ZNF138: variants seen among roughly 807,000 people sequenced by gnomAD.
The protein encoded by ZNF138 is zinc finger protein 138.
Under a neutral mutation model 33.0 loss-of-function variants are expected in ZNF138, and 33 were observed. The ratio of observed to expected loss-of-function variants is 1.00; its 90% CI spans 0.76 to 1.34. The LOEUF is 1.34. Ranked by LOEUF, ZNF138 falls within the 40% of genes most tolerant of loss-of-function variation. ZNF138 has a pLI of 0.00. For missense variants in ZNF138, 360 were observed against 370.8 expected (o/e 0.97, Z 0.24); for synonymous variants, 139 against 120.4 (o/e 1.15, Z -1.01).
chr7:64,831,317 A>G, intron 3 of ZNF138, 134 bp from the exon 4 acceptor site: 1 of 949,172 alleles, frequency 1.1e-6, no homozygotes, highest in Non-Finnish European at 1.6e-6. Context: ...ATGTCTATAA[A>G]GGAATTAGAA....
intron 1 of ZNF138, among the ~76,000 whole-genome samples, chr7:64,794,882 C>T (rs548876604): frequency 4.7e-4 from 71 of 152,254 alleles, no homozygotes; most frequent in African/African-American, 1.6e-3. Flanking sequence ...AATCCTGACT[C>T]GGGGTGCTGG....
At chr7:64,810,156 A>C (rs1217437112) in intron 1 of ZNF138, among the ~76,000 whole-genome samples, 3 of 121,596 alleles carry the variant, frequency 2.5e-5, no homozygotes, top group African/African-American at 9.4e-5. Context: ...ACTGCACTCC[A>C]GCCTGGGCAC....
At chr7:64,828,979 G>A (rs1789866254) in intron 3 of ZNF138, among the ~76,000 whole-genome samples, 1 of 152,012 alleles carries the variant, frequency 6.6e-6, no homozygotes, top group Non-Finnish European at 1.5e-5. Context: ...GTATGCTGAA[G>A]AGTGTGTTGT....
At chr7:64,842,295 C>G in the ZNF138 span, among the ~76,000 whole-genome samples, 20 of 130,544 alleles carry the variant, frequency 1.5e-4, no homozygotes, top group African/African-American at 5.0e-4. Context: ...AACTCCTGAC[C>G]TCGTGATCTG....
intron 3 of ZNF138, among the ~76,000 whole-genome samples, chr7:64,823,467 C>G (rs1423963895): frequency 6.6e-6 from 1 of 152,088 alleles, no homozygotes; most frequent in Non-Finnish European, 1.5e-5. Flanking sequence ...TCCTGAGTAG[C>G]TGTGACTACA....
chr7:64,838,335 G>A (rs1410256260), downstream of ZNF138, among the ~76,000 whole-genome samples: 1 of 152,150 alleles, frequency 6.6e-6, no homozygotes, highest in Non-Finnish European at 1.5e-5. Context: ...GCACTGTTTT[G>A]CCCAATGACC....
downstream of ZNF138, chr7:64,835,165 G>A (rs1035278204): frequency 1.3e-5 from 2 of 152,264 alleles, no homozygotes; most frequent in African/African-American, 2.4e-5. Flanking sequence ...CAGGAAAGGT[G>A]AACCCGGAAA....
At chr7:64,803,308 GATTT>G (rs1470506694) in intron 1 of ZNF138, among the ~76,000 whole-genome samples, 2 of 139,400 alleles carry the variant, frequency 1.4e-5, no homozygotes, top group African/African-American at 5.2e-5. Context: ...GGTAGACACA[GATTT>G]GTTTAGATTA....
chr7:64,831,400 T>G, intron 3 of ZNF138, 51 bp from the exon 4 acceptor site: 1 of 1,431,824 alleles, frequency 7.0e-7, no homozygotes, highest in Non-Finnish European at 9.4e-7. Context: ...GTAAAGTATA[T>G]TCATCTGAGT....
At chr7:64,795,569 A>T (rs925809155) in intron 1 of ZNF138, among the ~76,000 whole-genome samples, 1 of 152,184 alleles carries the variant, frequency 6.6e-6, no homozygotes, top group Non-Finnish European at 1.5e-5. Flanking sequence ...TCATTTTTTG[A>T]CAAAGCATGG....
At chr7:64,845,289 T>G in the ZNF138 span, among the ~76,000 whole-genome samples, 34 of 152,380 alleles carry the variant, frequency 2.2e-4, no homozygotes, top group Admixed American at 2.2e-3. Context: ...GTAAGTAGTA[T>G]TCCATCATAT....
At chr7:64,836,595 GC>G (rs1188308384), downstream of ZNF138, 1 of 152,202 alleles carries the variant, frequency 6.6e-6, no homozygotes, top group Non-Finnish European at 1.5e-5. Context: ...ATCCGTTAAA[GC>G]CGTCCCATCC....
At chr7:64,839,120 G>A in the ZNF138 span, among the ~76,000 whole-genome samples, 1 of 152,212 alleles carries the variant, frequency 6.6e-6, no homozygotes, top group African/African-American at 2.4e-5. Flanking sequence ...TTGACTATTT[G>A]CCTCGCCTCT....
chr7:64,852,146 A>G, the ZNF138 span, among the ~76,000 whole-genome samples: 2 of 152,250 alleles, frequency 1.3e-5, no homozygotes, highest in African/African-American at 2.4e-5. Flanking sequence ...AAATGTATCA[A>G]CAGTATTGGA....
At chr7:64,806,629 C>G (rs1447597898) in intron 1 of ZNF138, among the ~76,000 whole-genome samples, 1 of 152,142 alleles carries the variant, frequency 6.6e-6, no homozygotes, top group Non-Finnish European at 1.5e-5. Flanking sequence ...TTACAAGGCT[C>G]AAAGAGACAT....
intron 1 of ZNF138, among the ~76,000 whole-genome samples, chr7:64,797,457 G>A (rs1786778491): frequency 6.6e-6 from 1 of 152,156 alleles, no homozygotes; most frequent in Non-Finnish European, 1.5e-5. Context: ...CTCCGACATG[G>A]AAATTAAAGC....
the ZNF138 span, among the ~76,000 whole-genome samples, chr7:64,841,285 C>T: frequency 6.6e-6 from 1 of 152,106 alleles, no homozygotes; most frequent in African/African-American, 2.4e-5. Context: ...GAGAATTCTA[C>T]ATAAGCCTGT....
chr7:64,822,475 G>A (rs1022677632), intron 3 of ZNF138, among the ~76,000 whole-genome samples: 3 of 151,206 alleles, frequency 2.0e-5, no homozygotes, highest in Admixed American at 2.0e-4. Flanking sequence ...TTTTGTATGT[G>A]GTTCGAGAAA....
intron 1 of ZNF138, among the ~76,000 whole-genome samples, chr7:64,800,700 A>C (rs1447336337): frequency 1.3e-5 from 2 of 152,146 alleles, no homozygotes; most frequent in African/African-American, 4.8e-5. Context: ...TTCTTACCTA[A>C]TGAGTTGAAG....
Sources: allele counts gnomAD v4.1 joint callset (sites outside exome capture counted in the v4.1 genomes callset), GRCh38; gene constraint gnomAD v4.1.1; transcripts MANE v1.5; gene names NCBI Gene and HGNC (gene_info 2026-07-23, HGNC 2026-07-21).